RBM46: variants seen among roughly 807,000 people sequenced by gnomAD.
RBM46 encodes the protein RNA binding motif protein 46.
Under a neutral mutation model 43.3 loss-of-function variants are expected in RBM46, and 12 were observed. That is an observed-to-expected ratio of 0.28 (90% CI 0.18 to 0.45). The LOEUF is 0.45. Ranked by LOEUF, RBM46 falls within the 20% of genes least tolerant of loss-of-function variation. The probability of loss-of-function intolerance (pLI) is 1.00; values close to 1 mark genes in which losing one functional copy is unlikely to be tolerated. For missense variants in RBM46, 412 were observed against 639.1 expected (o/e 0.64, Z 3.83); for synonymous variants, 205 against 207.6 (o/e 0.99, Z 0.11).
chr4:154,807,711 G>A (rs534020137), intron 4 of RBM46, among the ~76,000 whole-genome samples: 6 of 151,906 alleles, frequency 3.9e-5, no homozygotes, highest in African/African-American at 1.4e-4. Flanking sequence ...ACTTTCCTGT[G>A]AAGCTTCAAA....
At chr4:154,823,993 TG>T (rs1214847030) in intron 4 of RBM46, among the ~76,000 whole-genome samples, 1 of 152,044 alleles carries the variant, frequency 6.6e-6, no homozygotes, top group African/African-American at 2.4e-5. Context: ...ATATCAAATT[TG>T]TTCTATGAAA....
intron 1 of RBM46, among the ~76,000 whole-genome samples, chr4:154,796,133 C>T (rs556076026): frequency 7.2e-4 from 110 of 152,248 alleles, no homozygotes; most frequent in African/African-American, 2.5e-3. Flanking sequence ...CACCACTGCA[C>T]TCTAGCCTGG....
Position 154,820,299 on chromosome 4 carries a change from A to G in RBM46, c.1403-7569A>G, listed in dbSNP as rs572063468. 475 of 1,027,178 alleles carry G rather than the reference A, an allele frequency of 4.6e-4. 8 individuals carry two copies. The South Asian group carries it at 8.0e-3, about 17-fold the overall frequency. 63.6% of individuals were successfully genotyped at this position (1,027,178 alleles called of 1,614,324 possible). ...ACTAAAGTTACCAAGGATTCCATGCACTTCCAAGATAGGGATAACATCAAT... is the reference window on the plus strand; with the variant it reads ...ACTAAAGTTACCAAGGATTCCATGCGCTTCCAAGATAGGGATAACATCAAT... On this transcript the variant is annotated intron_variant, in intron 4 of 4. Coordinates refer to ENST00000281722, the MANE Select transcript of RBM46 (RefSeq NM_144979.5).
rs544988962 is a variant in RBM46 at position 154,828,404 on chromosome 4, G to A, written c.*337G>A. Reference sequence around the variant, plus strand: ...TTTTTTTGCATAATTTTACTAAATAGTATTTCACAAATATTAAAGCACTTG... The same window carrying A: ...TTTTTTTGCATAATTTTACTAAATAATATTTCACAAATATTAAAGCACTTG... On this transcript the variant is annotated 3_prime_UTR_variant, in exon 5 of 5. Coordinates refer to ENST00000281722, the MANE Select transcript of RBM46 (RefSeq NM_144979.5). 7.1e-5 allele frequency: 17 copies of A among 240,536 alleles called. No homozygotes were observed. The East Asian group carries it at 8.0e-4, about 11-fold the overall frequency. The allele number at this position is 240,536 out of a possible 1,614,324, so 14.9% of individuals were successfully genotyped here.
At chr4:154,821,434 G>A (rs943113251) in intron 4 of RBM46, among the ~76,000 whole-genome samples, 1 of 151,614 alleles carries the variant, frequency 6.6e-6, no homozygotes, top group Non-Finnish European at 1.5e-5. Context: ...CTGGATTGCT[G>A]CAGCTCTGAT....
intron 1 of RBM46, among the ~76,000 whole-genome samples, chr4:154,786,711 G>A (rs1156694987): frequency 4.0e-5 from 6 of 151,556 alleles, no homozygotes; most frequent in African/African-American, 7.3e-5. Flanking sequence ...GGTGGATCAC[G>A]AGGTCAGGAG....
chr4:154,800,335 T>C (rs1273970830), intron 4 of RBM46, among the ~76,000 whole-genome samples: 2 of 152,198 alleles, frequency 1.3e-5, no homozygotes, highest in Admixed American at 6.5e-5. Context: ...GGGTCGTGTG[T>C]AGACACAGCT....
intron 4 of RBM46, among the ~76,000 whole-genome samples, chr4:154,817,199 C>T (rs1422452909): frequency 6.6e-6 from 1 of 151,938 alleles, no homozygotes; most frequent in Admixed American, 6.6e-5. Flanking sequence ...ATTGGTGTTA[C>T]ATCGTTTTTG....
At chr4:154,797,374 A>G (rs1734406240) in intron 2 of RBM46, among the ~76,000 whole-genome samples, 1 of 152,166 alleles carries the variant, frequency 6.6e-6, no homozygotes, top group Non-Finnish European at 1.5e-5. Context: ...GCTTCTGGGT[A>G]CCTCAATGGC....
chr4:154,808,882 A>T (rs544501951), intron 4 of RBM46, among the ~76,000 whole-genome samples: 2 of 152,184 alleles, frequency 1.3e-5, no homozygotes, highest in South Asian at 4.2e-4. Flanking sequence ...AGAAATAGTG[A>T]TTATACCAGA....
At chr4:154,815,242 A>G (rs1232495501) in intron 4 of RBM46, among the ~76,000 whole-genome samples, 1 of 151,996 alleles carries the variant, frequency 6.6e-6, no homozygotes, top group Non-Finnish European at 1.5e-5. Flanking sequence ...AAATATAAAG[A>G]ACTATCAGTT....
intron 1 of RBM46, among the ~76,000 whole-genome samples, chr4:154,796,097 A>G (rs1186922575): frequency 2.0e-5 from 3 of 152,252 alleles, no homozygotes; most frequent in South Asian, 4.1e-4. Context: ...GAGACCAGGA[A>G]GCCAACACTG....
At chr4:154,782,460 A>T (rs993072899) in intron 1 of RBM46, among the ~76,000 whole-genome samples, 1 of 152,170 alleles carries the variant, frequency 6.6e-6, no homozygotes, top group Non-Finnish European at 1.5e-5. Context: ...CAAAGAGGAA[A>T]TATCATAAGG....
At chr4:154,810,499 T>C (rs576892843) in intron 4 of RBM46, among the ~76,000 whole-genome samples, 2 of 152,244 alleles carry the variant, frequency 1.3e-5, no homozygotes, top group East Asian at 3.9e-4. Flanking sequence ...AGTTTTCAAA[T>C]GTTTGAAGTG....
chr4:154,790,301 G>T (rs1384238811), intron 1 of RBM46: 1 of 152,038 alleles, frequency 6.6e-6, no homozygotes, highest in African/African-American at 2.4e-5. Context: ...TTCTCTTGTG[G>T]GCATTTAGTG....
intron 1 of RBM46, among the ~76,000 whole-genome samples, chr4:154,796,348 A>G (rs893229601): frequency 6.6e-6 from 1 of 152,210 alleles, no homozygotes; most frequent in Non-Finnish European, 1.5e-5. Flanking sequence ...GTTGGCTTAG[A>G]TGATAAAATG....
chr4:154,826,771 C>A lies in RBM46; in HGVS notation c.1403-1097C>A, dbSNP rs973175691. On this transcript the variant is annotated intron_variant, in intron 4 of 4. Transcript: ENST00000281722. Reference sequence around the variant, plus strand: ...TTTTTTTTTTTTCCTGAACTAGGTCCTTTCTGATGTTGCTTGAGCTTACTC... The same window carrying A: ...TTTTTTTTTTTTCCTGAACTAGGTCATTTCTGATGTTGCTTGAGCTTACTC... The A allele has an allele frequency of 4.8e-5, 65 of 1,367,084 alleles. No individual in the cohort carries two copies. In the African/African-American group the frequency reaches 9.9e-4, roughly 21 times the overall value. The allele number at this position is 1,367,084 out of a possible 1,614,324, so 84.7% of individuals were successfully genotyped here. A position where few individuals can be genotyped will look rare whatever the true frequency, so the allele number is the denominator to read the frequency against.
chr4:154,781,888 T>G (rs574123499), intron 1 of RBM46: 1 of 151,578 alleles, frequency 6.6e-6, no homozygotes, highest in Non-Finnish European at 1.5e-5. Context: ...GGTCCGCGCG[T>G]CCCCTGGAGG....
At chr4:154,820,820 A>C (rs1425504438) in intron 4 of RBM46, among the ~76,000 whole-genome samples, 1 of 151,922 alleles carries the variant, frequency 6.6e-6, no homozygotes, top group East Asian at 1.9e-4. Flanking sequence ...GTATTTACTA[A>C]GATTTAGTGT....
Sources: gnomAD v4.1 joint callset for allele counts (sites outside exome capture counted in the v4.1 genomes callset) on GRCh38, gnomAD v4.1.1 for gene constraint, MANE v1.5 for transcripts, NCBI Gene and HGNC (gene_info 2026-07-23, HGNC 2026-07-21) for gene names.